The following DNAH14 variants were observed in gnomAD, a reference collection of about 807,000 sequenced individuals.
DNAH14 encodes the protein dynein axonemal heavy chain 14.
Under a neutral mutation model 520.9 loss-of-function variants are expected in DNAH14, and 478 were observed. That is an observed-to-expected ratio of 0.92 (90% CI 0.85 to 0.99). The LOEUF (loss-of-function observed/expected upper bound fraction) is 0.99, where lower values mean the gene tolerates loss of function less well. Among genes scored for constraint, DNAH14 ranks in the 50% least tolerant of loss-of-function variants. The pLI is 0.00. For missense variants in DNAH14, 4,831 were observed against 5,234.5 expected, an observed-to-expected ratio of 0.92 and a Z score of 2.38; for synonymous variants, 1,581 against 1,757.2, an observed-to-expected ratio of 0.90 and a Z score of 2.51.
chr1:225,144,581 G>A lies in DNAH14; in HGVS notation c.4693G>A (p.Gly1565Ser), dbSNP rs41307682. 1.5e-4 allele frequency: 240 copies of A among 1,551,454 alleles called. No homozygotes were observed. Among genetic ancestry groups the A allele is most frequent in the African/African-American group, 7.4e-4 (54 of 73,084 alleles). The change falls in exon 29 of 86, where the codon GGT becomes AGT. Residue 1565 changes from glycine (G) to serine (S), a missense_variant. Physicochemically the swap from Gly to Ser is moderately conservative, Grantham distance 56. Coordinates refer to ENST00000682510, the MANE Select transcript of DNAH14 (RefSeq NM_001367479.1). ...LHLNLGGCPA[G>S]PAGTGKTETV... ...CTTGAATCTAGGAGGCTGTCCTGCC[G>A]GTCCAGCTGGTACAGGAAAAACTGA...
intron 81 of DNAH14, among the ~76,000 whole-genome samples, chr1:225,383,325 C>T (rs1244030872): frequency 1.3e-5 from 2 of 152,164 alleles, no homozygotes; most frequent in Non-Finnish European, 2.9e-5. Context: ...TGTGGAGACA[C>T]ATCCGAATCA....
At chr1:225,055,283 T>C (rs1490217597) in intron 17 of DNAH14, among the ~76,000 whole-genome samples, 1 of 152,152 alleles carries the variant, frequency 6.6e-6, no homozygotes, top group African/African-American at 2.4e-5. Context: ...AATGAGATGT[T>C]GGAACAAACT....
intron 41 of DNAH14, among the ~76,000 whole-genome samples, chr1:225,218,693 G>A (rs1488074055): frequency 6.6e-6 from 1 of 152,130 alleles, no homozygotes. Context: ...AACAGACTTA[G>A]ACTCCCACAC....
intron 81 of DNAH14, among the ~76,000 whole-genome samples, chr1:225,384,184 G>A (rs925967243): frequency 6.6e-5 from 10 of 152,186 alleles, no homozygotes; most frequent in African/African-American, 2.2e-4. Context: ...GAATAAGTGC[G>A]ATGTGGTGCT....
chr1:225,166,588 A>G (rs1559153839), intron 35 of DNAH14, among the ~76,000 whole-genome samples: 1 of 152,214 alleles, frequency 6.6e-6, no homozygotes, highest in Non-Finnish European at 1.5e-5. Context: ...ATAGGAATAT[A>G]TCTTATTTAA....
rs2095675611 is a variant in DNAH14 at position 225,374,804 on chromosome 1, C to A, written c.12435C>A (p.Asp4145Glu). The A allele has an allele frequency of 1.9e-6, 3 of 1,551,558 alleles. No homozygotes were observed. The highest frequency in any genetic ancestry group is 2.6e-6 in the Non-Finnish European group (3 of 1,146,942). ...GTGGCCGGGTGATTGATAATTGGGA[C>A]AAGCGATGCTTGAAGACCCTACTCT... The part of the protein sequence containing the change: ...IYGGRVIDNW[D>E]KRCLKTLLYK... The change falls in exon 78 of 86, where the codon GAC becomes GAA. Residue 4145 changes from aspartate (D) to glutamate (E), a missense_variant. Transcript: ENST00000682510.
intron 8 of DNAH14, among the ~76,000 whole-genome samples, chr1:224,983,220 T>TA (rs1431923448): frequency 5.9e-5 from 9 of 152,088 alleles, no homozygotes; most frequent in Non-Finnish European, 1.3e-4. Context: ...CTGTCTCTTT[T>TA]AACCGCTGTT....
intron 8 of DNAH14, among the ~76,000 whole-genome samples, chr1:224,974,612 A>G (rs1205000960): frequency 6.6e-6 from 1 of 152,196 alleles, no homozygotes; most frequent in Non-Finnish European, 1.5e-5. Flanking sequence ...TTGCAAAACT[A>G]CAGTCTATGA....
chr1:225,380,850 G>A lies in DNAH14; in HGVS notation c.12880+528G>A, dbSNP rs964528583. 5.9e-5 allele frequency among the ~76,000 whole-genome samples: 9 copies of A among 152,278 alleles called. No homozygotes were observed. In the South Asian group the frequency reaches 1.2e-3, roughly 21 times the overall value. ...AATACCCATATTTTATCCCTTTGCA[G>A]AAGTTTATTTGGGAACCAAATATTG... is the stretch of plus-strand genomic sequence containing the variant. On this transcript the variant is annotated intron_variant, in intron 80 of 85. Transcript: ENST00000682510.
intron 42 of DNAH14, among the ~76,000 whole-genome samples, chr1:225,231,535 G>T (rs1217083924): frequency 6.6e-6 from 1 of 151,902 alleles, no homozygotes; most frequent in African/African-American, 2.4e-5. Flanking sequence ...GATATGTTAG[G>T]TATCCAGAAT....
intron 41 of DNAH14, among the ~76,000 whole-genome samples, chr1:225,213,697 G>T (rs1480785054): frequency 6.6e-6 from 1 of 152,108 alleles, no homozygotes; most frequent in Non-Finnish European, 1.5e-5. Context: ...CTCATGATTT[G>T]GCTCTCTGTT....
At chr1:225,100,069 T>G (rs1299102808) in intron 22 of DNAH14, among the ~76,000 whole-genome samples, 2 of 152,060 alleles carry the variant, frequency 1.3e-5, no homozygotes, top group South Asian at 4.1e-4. Context: ...GAAACAAAAC[T>G]AAAATTAATA....
intron 38 of DNAH14, among the ~76,000 whole-genome samples, chr1:225,193,661 A>C (rs779854538): frequency 6.6e-6 from 1 of 152,162 alleles, no homozygotes. Context: ...GCCCACTATC[A>C]CTACTCCTAT....
At chr1:225,368,061 AAAT>A (rs1211397874) in intron 77 of DNAH14, 29 bp downstream of exon 77, 2 of 1,494,686 alleles carry the variant, frequency 1.3e-6, no homozygotes, top group Admixed American at 4.2e-5. Context: ...AACAAACAAC[AAAT>A]AAGTAACAAT....
chr1:225,333,184 A>G, intron 65 of DNAH14, 107 bp from the exon 66 acceptor site: 1 of 853,174 alleles, frequency 1.2e-6, no homozygotes. Flanking sequence ...GCTTGAGAAC[A>G]GCAGTAGTAA....
chr1:225,251,959 A>C (rs1160109678), intron 43 of DNAH14, among the ~76,000 whole-genome samples: 1 of 152,184 alleles, frequency 6.6e-6, no homozygotes, highest in Non-Finnish European at 1.5e-5. Flanking sequence ...CAAATAACAA[A>C]GTTCTCTGAT....
Position 225,230,998 on chromosome 1 carries a change from G to A in DNAH14, c.6440-75G>A, listed in dbSNP as rs1300855534. The A allele has an allele frequency of 1.2e-5, 12 of 1,011,140 alleles. No individual in the cohort carries two copies. In the South Asian group the frequency reaches 1.6e-4, roughly 13 times the overall value. The allele number at this position is 1,011,140 out of a possible 1,614,324, so 62.6% of individuals were successfully genotyped here. A position where few individuals can be genotyped will look rare whatever the true frequency, so the allele number is the denominator to read the frequency against. ...ATTCACTAACTAAACAATGTTAAAG[G>A]TTAAACCTCATTAGTTTACCAGATA... is the stretch of plus-strand genomic sequence containing the variant. On this transcript the variant is annotated intron_variant, in intron 41 of 85. Coordinates refer to ENST00000682510, the MANE Select transcript of DNAH14 (RefSeq NM_001367479.1).
chr1:225,040,099 A>C, intron 12 of DNAH14, among the ~76,000 whole-genome samples: 1 of 150,980 alleles, frequency 6.6e-6, no homozygotes, highest in Non-Finnish European at 1.5e-5. Flanking sequence ...CACCATGCCC[A>C]GCTAATATTT....
chr1:224,992,146 T>G (rs2063101750), intron 8 of DNAH14, among the ~76,000 whole-genome samples: 1 of 152,156 alleles, frequency 6.6e-6, no homozygotes, highest in African/African-American at 2.4e-5. Context: ...TGCTATAGAT[T>G]TAAGATTAGT....
Sources: gnomAD v4.1 joint callset for allele counts (sites outside exome capture counted in the v4.1 genomes callset) on GRCh38, gnomAD v4.1.1 for gene constraint, MANE v1.5 for transcripts, NCBI Gene and HGNC (gene_info 2026-07-23, HGNC 2026-07-21) for gene names.